GRIK4: variants seen among roughly 807,000 people sequenced by gnomAD.
GRIK4 encodes the protein glutamate ionotropic receptor kainate type subunit 4, also known as glutamate receptor ionotropic, kainate 4.
Under a neutral mutation model 104.9 loss-of-function variants are expected in GRIK4, and 40 were observed. The ratio of observed to expected loss-of-function variants is 0.38; its 90% confidence interval spans 0.30 to 0.50. The LOEUF (loss-of-function observed/expected upper bound fraction) is 0.50, where lower values mean the gene tolerates loss of function less well. GRIK4 is among the 20% of genes least tolerant of loss of function. The pLI is 0.93. For missense variants in GRIK4, 1,047 were observed against 1,308.1 expected (o/e 0.80, Z 3.08); for synonymous variants, 485 against 524.9 (o/e 0.92, Z 1.04).
chr11:120,534,872 A>T (rs1176453421), intron 1 of GRIK4, among the ~76,000 whole-genome samples: 1 of 152,150 alleles, frequency 6.6e-6, no homozygotes, highest in Non-Finnish European at 1.5e-5. Context: ...CTCAGCAGGG[A>T]TGAAGAGGTT....
chr11:120,660,111 G>A (rs1218466022), intron 2 of GRIK4, among the ~76,000 whole-genome samples, 158 bp from the exon 3 acceptor site: 2 of 152,208 alleles, frequency 1.3e-5, no homozygotes, highest in Admixed American at 6.5e-5. Context: ...CCCCATGTCG[G>A]TCACAGAGCT....
chr11:120,949,224 A>G (rs1334243878), intron 14 of GRIK4, among the ~76,000 whole-genome samples: 1 of 151,982 alleles, frequency 6.6e-6, no homozygotes, highest in East Asian at 1.9e-4. Flanking sequence ...GGACAGCCCC[A>G]CTACTGTCAT....
intron 4 of GRIK4, among the ~76,000 whole-genome samples, chr11:120,806,066 C>T (rs1255627370): frequency 1.3e-5 from 2 of 152,188 alleles, no homozygotes; most frequent in East Asian, 1.9e-4. Flanking sequence ...AGCATTGCCT[C>T]ATAGGGTCAC....
intron 1 of GRIK4, among the ~76,000 whole-genome samples, chr11:120,605,385 CAG>C (rs1491181093): frequency 1.3e-5 from 2 of 152,212 alleles, no homozygotes; most frequent in Non-Finnish European, 1.5e-5. Context: ...GAATTAGGCA[CAG>C]GGGACAAAAT....
intron 1 of GRIK4, among the ~76,000 whole-genome samples, chr11:120,644,868 A>G (rs1223327937): frequency 1.3e-5 from 2 of 152,294 alleles, no homozygotes; most frequent in East Asian, 1.9e-4. Flanking sequence ...CGTTGTGCAC[A>G]TGTACCCTAG....
chr11:120,981,654 C>A (rs539400162), intron 19 of GRIK4, among the ~76,000 whole-genome samples: 1 of 152,290 alleles, frequency 6.6e-6, no homozygotes, highest in South Asian at 2.1e-4. Context: ...ATAACTTTTT[C>A]TATCCATGGT....
intron 19 of GRIK4, among the ~76,000 whole-genome samples, chr11:120,975,495 G>C (rs1410873631): frequency 6.6e-6 from 1 of 152,172 alleles, no homozygotes; most frequent in African/African-American, 2.4e-5. Flanking sequence ...AGAGGCAAAT[G>C]GTGGCCCCAT....
chr11:120,829,158 C>A (rs1026180923), intron 6 of GRIK4, among the ~76,000 whole-genome samples: 1 of 152,154 alleles, frequency 6.6e-6, no homozygotes, highest in Non-Finnish European at 1.5e-5. Context: ...GTTCACCTCT[C>A]CAGCTGTGGG....
intron 1 of GRIK4, among the ~76,000 whole-genome samples, chr11:120,604,476 A>G (rs1216401740): frequency 6.6e-6 from 1 of 152,250 alleles, no homozygotes; most frequent in Non-Finnish European, 1.5e-5. Context: ...GCTGGCCGGC[A>G]GGTTTAAGAC....
intron 1 of GRIK4, among the ~76,000 whole-genome samples, chr11:120,521,433 G>A (rs1947796052): frequency 6.6e-6 from 1 of 152,136 alleles, no homozygotes; most frequent in African/African-American, 2.4e-5. Flanking sequence ...TTGGTGATTT[G>A]TGTCCTCTCC....
chr11:120,853,144 T>A (rs1032438914), intron 8 of GRIK4, among the ~76,000 whole-genome samples: 2 of 152,048 alleles, frequency 1.3e-5, no homozygotes, highest in African/African-American at 4.8e-5. Context: ...GGTATGTAGA[T>A]GAGGTGTAAA....
chr11:120,945,872 C>T (rs994857751), intron 14 of GRIK4, among the ~76,000 whole-genome samples: 1 of 152,218 alleles, frequency 6.6e-6, no homozygotes, highest in Non-Finnish European at 1.5e-5. Context: ...GCCAGATGGG[C>T]TTCTAGGCTA....
chr11:120,661,668 G>A (rs1035224622), intron 3 of GRIK4, among the ~76,000 whole-genome samples: 1 of 152,206 alleles, frequency 6.6e-6, no homozygotes, highest in Admixed American at 6.5e-5. Context: ...TAGGCCAGGG[G>A]TCACAGGCCG....
chr11:120,707,845 G>A (rs1591822398), intron 3 of GRIK4, among the ~76,000 whole-genome samples: 1 of 152,144 alleles, frequency 6.6e-6, no homozygotes, highest in African/African-American at 2.4e-5. Context: ...TGCTGCATGT[G>A]GGCCCCTCTG....
chr11:120,837,822 TTGGCAAAGGAG>T (rs1953613585), intron 8 of GRIK4, among the ~76,000 whole-genome samples: 1 of 152,066 alleles, frequency 6.6e-6, no homozygotes, highest in Admixed American at 6.6e-5. Context: ...CCTGGGCAAG[TTGGCAAAGGAG>T]CAAAGAGAGA....
intron 1 of GRIK4, among the ~76,000 whole-genome samples, chr11:120,624,050 C>G (rs546329650): frequency 6.6e-6 from 1 of 151,934 alleles, no homozygotes; most frequent in Admixed American, 6.6e-5. Flanking sequence ...TTCATTTTGC[C>G]ATTCTAAGAG....
chr11:120,789,067 G>C (rs1181770230), intron 3 of GRIK4, among the ~76,000 whole-genome samples: 6 of 152,072 alleles, frequency 3.9e-5, no homozygotes, highest in Non-Finnish European at 8.8e-5. Flanking sequence ...TGAGTCCTCA[G>C]AGTTTTAGCC....
intron 13 of GRIK4, among the ~76,000 whole-genome samples, chr11:120,911,589 C>T (rs1430460983): frequency 1.3e-5 from 2 of 148,188 alleles, no homozygotes; most frequent in East Asian, 2.1e-4. Context: ...CGCCTGTAAT[C>T]CCAGCACTTT....
chr11:120,512,109 C>T (rs1947667457), intron 1 of GRIK4, among the ~76,000 whole-genome samples: 1 of 150,394 alleles, frequency 6.6e-6, no homozygotes, highest in Non-Finnish European at 1.5e-5. Context: ...ACTTCGGTCC[C>T]TGCGTCTCCA....
Sources: gnomAD v4.1 joint callset for allele counts (sites outside exome capture counted in the v4.1 genomes callset) on GRCh38, gnomAD v4.1.1 for gene constraint, MANE v1.5 for transcripts, NCBI Gene and HGNC (gene_info 2026-07-23, HGNC 2026-07-21) for gene names.